Variants in EXOC4 observed in about 807,000 individuals in gnomAD.
The protein encoded by EXOC4 is SEC8-like 1.
Under a neutral mutation model 107.2 loss-of-function variants are expected in EXOC4, and 71 were observed. The ratio of observed to expected loss-of-function variants is 0.66; its 90% CI spans 0.55 to 0.81. The LOEUF (loss-of-function observed/expected upper bound fraction) is 0.81, where lower values mean the gene tolerates loss of function less well. Ranked by LOEUF, EXOC4 falls within the 30% of genes least tolerant of loss-of-function variation. The pLI is 0.00. For missense variants in EXOC4, 1,108 were observed against 1,189.6 expected, an observed-to-expected ratio of 0.93 and a Z score of 1.01; for synonymous variants, 456 against 441.2, an observed-to-expected ratio of 1.03 and a Z score of -0.42.
chr7:133,366,193 A>T (rs1796246410), intron 6 of EXOC4, among the ~76,000 whole-genome samples: 1 of 152,164 alleles, frequency 6.6e-6, no homozygotes, highest in South Asian at 2.1e-4. Context: ...TCACAGCTTG[A>T]TGATGTAGCT....
chr7:133,714,853 A>G (rs766898346), intron 10 of EXOC4, among the ~76,000 whole-genome samples: 3 of 152,168 alleles, frequency 2.0e-5, no homozygotes, highest in African/African-American at 4.8e-5. Context: ...CAAAAGAGCA[A>G]ACAGATTTGG....
chr7:133,666,435 AT>A (rs1322387399), intron 10 of EXOC4, among the ~76,000 whole-genome samples: 1 of 152,180 alleles, frequency 6.6e-6, no homozygotes, highest in Non-Finnish European at 1.5e-5. Flanking sequence ...GGTGGTGGAC[AT>A]TTTGTAGAGT....
At chr7:133,813,812 C>CA (rs1479481915) in intron 10 of EXOC4, among the ~76,000 whole-genome samples, 1 of 152,030 alleles carries the variant, frequency 6.6e-6, no homozygotes, top group African/African-American at 2.4e-5. Flanking sequence ...CTACTTTTTT[C>CA]ATTGTGATAA....
At chr7:133,506,031 C>T (rs1799659078) in intron 9 of EXOC4, among the ~76,000 whole-genome samples, 1 of 152,064 alleles carries the variant, frequency 6.6e-6, no homozygotes, top group Non-Finnish European at 1.5e-5. Flanking sequence ...CCTTCTTCAA[C>T]TAGAGTTTTT....
chr7:133,485,616 C>G (rs1200962316), intron 9 of EXOC4, among the ~76,000 whole-genome samples: 2 of 152,092 alleles, frequency 1.3e-5, no homozygotes, highest in East Asian at 1.9e-4. Flanking sequence ...TTAATATGTA[C>G]ATGTCTTTTT....
chr7:133,902,466 C>T (rs528377562), intron 12 of EXOC4, among the ~76,000 whole-genome samples: 1 of 152,262 alleles, frequency 6.6e-6, no homozygotes, highest in East Asian at 1.9e-4. Context: ...TAACAGTGAA[C>T]TAAGCAGATT....
chr7:133,808,424 T>A (rs949439062), intron 10 of EXOC4, among the ~76,000 whole-genome samples: 8 of 152,198 alleles, frequency 5.3e-5, no homozygotes, highest in Non-Finnish European at 1.0e-4. Flanking sequence ...TTCTAAATGA[T>A]CTTTTTCGAC....
chr7:134,048,897 C>T (rs1289634947), intron 17 of EXOC4, among the ~76,000 whole-genome samples: 5 of 152,114 alleles, frequency 3.3e-5, no homozygotes, highest in African/African-American at 9.7e-5. Context: ...AGTTGCCCAA[C>T]AGTCTGAAGG....
At chr7:134,001,663 G>A (rs1018658498) in intron 15 of EXOC4, among the ~76,000 whole-genome samples, 2 of 152,134 alleles carry the variant, frequency 1.3e-5, no homozygotes, top group Admixed American at 1.3e-4. Flanking sequence ...CTGTGCCAGA[G>A]TGATCTTGCC....
At chr7:133,620,104 C>T (rs796267538) in intron 9 of EXOC4, among the ~76,000 whole-genome samples, 6 of 152,094 alleles carry the variant, frequency 3.9e-5, no homozygotes, top group African/African-American at 1.4e-4. Context: ...TTTACTGCAA[C>T]TTCCACTTCC....
rs567722623 is a variant in EXOC4, at chr7:133,418,471, G to A, written c.1182+43469G>A. ...AGTCACAGTGTTCATGGAAAATAAT[G>A]TGTCAGAAATTACTAAGAAGAATGT... On this transcript the variant is annotated intron_variant, in intron 7 of 17. Transcript: ENST00000253861. Among the ~76,000 whole-genome samples, 4 of 152,300 alleles carry A rather than the reference G, an allele frequency of 2.6e-5. No individual in the cohort carries two copies. The East Asian group carries it at 7.7e-4, about 29-fold the overall frequency.
chr7:133,538,882 A>AGAGG (rs1357203821), intron 9 of EXOC4, among the ~76,000 whole-genome samples: 3 of 59,946 alleles, frequency 5.0e-5, no homozygotes, highest in Non-Finnish European at 6.3e-5. Context: ...AGAGAGAGAG[A>AGAGG]GGGAGGGAGG....
intron 2 of EXOC4, among the ~76,000 whole-genome samples, chr7:133,285,971 G>A (rs1279557129): frequency 6.6e-6 from 1 of 152,054 alleles, no homozygotes; most frequent in Non-Finnish European, 1.5e-5. Context: ...TGTTGCCAAG[G>A]TTGGTCTTGA....
intron 14 of EXOC4, among the ~76,000 whole-genome samples, chr7:133,960,041 A>C (rs1800906730): frequency 6.6e-6 from 1 of 152,186 alleles, no homozygotes; most frequent in Non-Finnish European, 1.5e-5. Flanking sequence ...AAAGAGAAAG[A>C]TCTCCAGAGT....
At chr7:133,816,027 T>C (rs1169507516) in intron 10 of EXOC4, among the ~76,000 whole-genome samples, 1 of 152,136 alleles carries the variant, frequency 6.6e-6, no homozygotes, top group Non-Finnish European at 1.5e-5. Flanking sequence ...GTCCATGAAG[T>C]GAATAACAAA....
At chr7:133,302,706 T>C (rs188512851) in intron 3 of EXOC4, among the ~76,000 whole-genome samples, 1 of 152,308 alleles carries the variant, frequency 6.6e-6, no homozygotes, top group East Asian at 1.9e-4. Flanking sequence ...TGTGACATTA[T>C]TCAGTGTTGC....
intron 13 of EXOC4, among the ~76,000 whole-genome samples, chr7:133,921,161 A>G (rs1191520194): frequency 6.6e-6 from 1 of 152,190 alleles, no homozygotes; most frequent in Non-Finnish European, 1.5e-5. Flanking sequence ...GGCTAGTGTA[A>G]GTCATGGAGT....
At chr7:133,735,965 C>T (rs546220723) in intron 10 of EXOC4, among the ~76,000 whole-genome samples, 1 of 152,016 alleles carries the variant, frequency 6.6e-6, no homozygotes, top group African/African-American at 2.4e-5. Flanking sequence ...TGGTGCATGC[C>T]TATAGTCTCA....
At chr7:133,690,990 A>G (rs1414428365) in intron 10 of EXOC4, among the ~76,000 whole-genome samples, 1 of 152,148 alleles carries the variant, frequency 6.6e-6, no homozygotes, top group Admixed American at 6.5e-5. Flanking sequence ...GCACCCTCAC[A>G]AGGGAAATTT....
Sources: gnomAD v4.1 joint callset for allele counts (sites outside exome capture counted in the v4.1 genomes callset) on GRCh38, gnomAD v4.1.1 for gene constraint, MANE v1.5 for transcripts, NCBI Gene and HGNC (gene_info 2026-07-23, HGNC 2026-07-21) for gene names.